PKP4: variants seen among roughly 807,000 people sequenced by gnomAD.
The protein encoded by PKP4 is plakophilin 4, also known as plakophilin-4.
Under a neutral mutation model 145.1 loss-of-function variants are expected in PKP4, and 90 were observed. The observed-to-expected ratio is 0.62, with a 90% CI of 0.52 to 0.74. The LOEUF (loss-of-function observed/expected upper bound fraction) is 0.74. PKP4 is among the 30% of genes least tolerant of loss of function. PKP4 has a pLI of 0.00. For missense variants in PKP4, 1,340 were observed against 1,482.7 expected, an observed-to-expected ratio of 0.90 and a Z score of 1.58; for synonymous variants, 563 against 577.2, an observed-to-expected ratio of 0.98 and a Z score of 0.35.
At chr2:158,630,726 G>A (rs879032643) in intron 7 of PKP4, among the ~76,000 whole-genome samples, 9 of 152,140 alleles carry the variant, frequency 5.9e-5, no homozygotes, top group Admixed American at 1.3e-4. Context: ...TGGCAGGTCC[G>A]CAGGATAGGA....
intron 2 of PKP4, among the ~76,000 whole-genome samples, chr2:158,542,961 A>G (rs1332317781): frequency 2.0e-5 from 3 of 152,206 alleles, no homozygotes; most frequent in Admixed American, 2.0e-4. Flanking sequence ...TGTATCAGAC[A>G]TTGTACTTAA....
intron 2 of PKP4, among the ~76,000 whole-genome samples, chr2:158,538,799 C>T (rs1044644078): frequency 1.3e-5 from 2 of 152,150 alleles, no homozygotes; most frequent in South Asian, 2.1e-4. Context: ...ACCTTGGCCT[C>T]CCAAAGTGCT....
At chr2:158,530,361 C>A (rs1398638129) in intron 1 of PKP4, among the ~76,000 whole-genome samples, 1 of 152,070 alleles carries the variant, frequency 6.6e-6, no homozygotes, top group Non-Finnish European at 1.5e-5. Flanking sequence ...CTGTAGAACC[C>A]TCAAAAATGG....
chr2:158,612,465 CAT>C (rs1308655203), intron 4 of PKP4, among the ~76,000 whole-genome samples: 2 of 152,142 alleles, frequency 1.3e-5, no homozygotes, highest in Non-Finnish European at 2.9e-5. Flanking sequence ...TCTTTCTGCA[CAT>C]ATATGAGTGT....
At chr2:158,525,920 C>G (rs1480314016) in intron 1 of PKP4, among the ~76,000 whole-genome samples, 1 of 151,082 alleles carries the variant, frequency 6.6e-6, no homozygotes, top group Non-Finnish European at 1.5e-5. Flanking sequence ...TACACTCTCC[C>G]AAGACTAAAC....
intron 2 of PKP4, among the ~76,000 whole-genome samples, chr2:158,538,534 C>CTTT (rs11346852): frequency 1.4e-3 from 153 of 110,056 alleles, no homozygotes; most frequent in Non-Finnish European, 1.6e-3. Flanking sequence ...TCTCTAACCA[C>CTTT]TTTTTTTTTT....
chr2:158,620,927 CTT>C (rs3835023), intron 4 of PKP4, 61 bp from the exon 5 acceptor site: 204,796 of 1,468,966 alleles, frequency 0.14, 15,460 homozygotes, highest in Non-Finnish European at 0.15. Context: ...ACATCTGAAC[CTT>C]TTTTAGCAAG....
At position 158,592,130 on chromosome 2, in the gene PKP4, C is replaced by G. The variant is rs55964491; in HGVS notation, c.246-10940C>G. 9.1e-3 allele frequency among the ~76,000 whole-genome samples: 1,391 copies of G among 152,076 alleles called. 12 individuals are homozygous for G. The highest frequency in any genetic ancestry group is 0.015 in the Admixed American group (234 of 15,250). The stretch of plus-strand genomic sequence containing the variant: ...TTATCATCATTCCTTCTTATTCATC[C>G]TCTTAGGCTTTTTTCTGCTTCATTC... On this transcript the variant is annotated intron_variant, in intron 3 of 21. Coordinates refer to ENST00000389759, the MANE Select transcript of PKP4 (RefSeq NM_003628.6).
chr2:158,645,205 A>G (rs188542716), intron 11 of PKP4, among the ~76,000 whole-genome samples: 2 of 152,364 alleles, frequency 1.3e-5, no homozygotes, highest in African/African-American at 2.4e-5. Flanking sequence ...TAGCGCTTCT[A>G]AATTAGTACT....
chr2:158,663,169 T>C, intron 14 of PKP4, 81 bp downstream of exon 14: 1 of 1,506,296 alleles, frequency 6.6e-7, no homozygotes, highest in Non-Finnish European at 9.0e-7. Flanking sequence ...AGAAAATAAA[T>C]TTTCTGCATA....
chr2:158,583,477 T>C (rs941439347), intron 3 of PKP4, among the ~76,000 whole-genome samples: 1 of 152,162 alleles, frequency 6.6e-6, no homozygotes, highest in Non-Finnish European at 1.5e-5. Context: ...AAGAGAAAAA[T>C]TCCTGAATCT....
chr2:158,543,515 A>G (rs946472571), intron 2 of PKP4, among the ~76,000 whole-genome samples: 2 of 152,178 alleles, frequency 1.3e-5, no homozygotes, highest in African/African-American at 4.8e-5. Context: ...GCAGTTGTGA[A>G]TGTTCATAGT....
chr2:158,472,574 C>CT (rs1691750874), intron 1 of PKP4, among the ~76,000 whole-genome samples: 1 of 136,400 alleles, frequency 7.3e-6, no homozygotes, highest in Non-Finnish European at 1.5e-5. Flanking sequence ...GATCAAGCCA[C>CT]TGCACTCCAG....
chr2:158,476,512 C>T (rs7601197), intron 1 of PKP4, among the ~76,000 whole-genome samples: 107,036 of 151,034 alleles, frequency 0.71, 38,380 homozygotes, highest in East Asian at 0.89. Context: ...TTATTTTTTT[C>T]TAGAGACAGA....
chr2:158,637,366 G>A (rs1283747101), intron 9 of PKP4, among the ~76,000 whole-genome samples: 1 of 152,168 alleles, frequency 6.6e-6, no homozygotes, highest in African/African-American at 2.4e-5. Context: ...GAGCCGTGCA[G>A]CAGCCACTTT....
chr2:158,561,287 A>G (rs908664169), intron 2 of PKP4, among the ~76,000 whole-genome samples: 6 of 152,178 alleles, frequency 3.9e-5, no homozygotes, highest in African/African-American at 1.2e-4. Flanking sequence ...GGCCTTTTCT[A>G]GAAAAAGTTT....
chr2:158,583,712 CTT>C (rs1297053965), intron 3 of PKP4, among the ~76,000 whole-genome samples: 1 of 152,204 alleles, frequency 6.6e-6, no homozygotes, highest in East Asian at 1.9e-4. Flanking sequence ...ATTTCTTTCT[CTT>C]AAAAAAATTT....
intron 1 of PKP4, among the ~76,000 whole-genome samples, chr2:158,474,763 C>A (rs1692183827): frequency 6.6e-6 from 1 of 152,114 alleles, no homozygotes; most frequent in African/African-American, 2.4e-5. Flanking sequence ...CTCCCCTCCC[C>A]AGCCCCGCAC....
intron 9 of PKP4, among the ~76,000 whole-genome samples, chr2:158,635,641 T>G (rs1240260477): frequency 6.6e-6 from 1 of 152,172 alleles, no homozygotes; most frequent in Non-Finnish European, 1.5e-5. Context: ...ACCTCTAATG[T>G]GAGTTGATTC....
Sources: gnomAD v4.1 joint callset for allele counts (sites outside exome capture counted in the v4.1 genomes callset) on GRCh38, gnomAD v4.1.1 for gene constraint, MANE v1.5 for transcripts, NCBI Gene and HGNC (gene_info 2026-07-23, HGNC 2026-07-21) for gene names.